BRD10: variants seen among roughly 807,000 people sequenced by gnomAD.
BRD10 encodes bromodomain containing 10.
the BRD10 span, among the ~76,000 whole-genome samples, chr9:5,930,695 T>A: frequency 2.4e-4 from 36 of 152,120 alleles, no homozygotes; most frequent in African/African-American, 8.7e-4. Flanking sequence ...TCAAGAAAAG[T>A]AATTTTTATT....
the BRD10 span, among the ~76,000 whole-genome samples, chr9:5,941,440 T>A: frequency 6.6e-6 from 1 of 152,188 alleles, no homozygotes; most frequent in Non-Finnish European, 1.5e-5. Flanking sequence ...TCAAACTACA[T>A]ATTTATCTCA....
chr9:5,914,286 C>T, the BRD10 span, among the ~76,000 whole-genome samples: 10 of 151,818 alleles, frequency 6.6e-5, no homozygotes, highest in Non-Finnish European at 1.2e-4. Context: ...GACACCTGAC[C>T]GTGTTTTCCT....
chr9:5,959,540 T>C, the BRD10 span, among the ~76,000 whole-genome samples: 1 of 152,152 alleles, frequency 6.6e-6, no homozygotes, highest in South Asian at 2.1e-4. Context: ...AGACAAAAAG[T>C]AGAAGGATTG....
chr9:5,937,917 T>C, the BRD10 span, among the ~76,000 whole-genome samples: 1 of 152,212 alleles, frequency 6.6e-6, no homozygotes, highest in Non-Finnish European at 1.5e-5. Context: ...ACCAGTCATA[T>C]ATATCTGGTT....
At chr9:5,931,844 G>T in the BRD10 span, among the ~76,000 whole-genome samples, 11 of 152,160 alleles carry the variant, frequency 7.2e-5, no homozygotes, top group Non-Finnish European at 7.4e-5. Flanking sequence ...AAGTTTTTAT[G>T]TTGCTCAAAA....
the BRD10 span, among the ~76,000 whole-genome samples, chr9:5,964,236 G>C: frequency 6.9e-6 from 1 of 144,556 alleles, no homozygotes; most frequent in African/African-American, 2.5e-5. Flanking sequence ...CCATCAAAAA[G>C]TGGGCGAAGG....
the BRD10 span, among the ~76,000 whole-genome samples, chr9:5,974,821 T>C: frequency 6.6e-6 from 1 of 152,196 alleles, no homozygotes; most frequent in South Asian, 2.1e-4. Flanking sequence ...ACTAGACTCA[T>C]AATTCACGGA....
At chr9:5,886,228 A>AGAGGCATCTCTG in the BRD10 span, among the ~76,000 whole-genome samples, 1 of 152,218 alleles carries the variant, frequency 6.6e-6, no homozygotes, top group Non-Finnish European at 1.5e-5. Flanking sequence ...CAGATGCCAA[A>AGAGGCATCTCTG]GAGGCATCTC....
the BRD10 span, among the ~76,000 whole-genome samples, chr9:5,883,462 C>CTTCTTTT: frequency 9.8e-6 from 1 of 102,410 alleles, no homozygotes; most frequent in Admixed American, 1.2e-4. Flanking sequence ...CCTTCTTCTT[C>CTTCTTTT]TTTTTTTTTT....
At chr9:5,994,425 A>G in the BRD10 span, among the ~76,000 whole-genome samples, 7 of 152,236 alleles carry the variant, frequency 4.6e-5, no homozygotes, top group African/African-American at 1.7e-4. Context: ...GAAAAGAAGT[A>G]GTCTTCATAC....
chr9:6,008,167 G>C, the BRD10 span: 1,840 of 974,520 alleles, frequency 1.9e-3, 5 homozygotes, highest in Admixed American at 7.0e-3. Flanking sequence ...CGGGCCAGCG[G>C]GGGGCTGGGA....
chr9:5,985,894 G>T, the BRD10 span, among the ~76,000 whole-genome samples: 3 of 152,102 alleles, frequency 2.0e-5, no homozygotes, highest in Non-Finnish European at 1.5e-5. Context: ...AGAAGTACAA[G>T]GAAACTAGAT....
chr9:5,882,401 T>C, the BRD10 span, among the ~76,000 whole-genome samples: 65,457 of 151,980 alleles, frequency 0.43, 15,240 homozygotes, highest in Middle Eastern at 0.58. Context: ...GCCAAACAAG[T>C]GTGAAAGTAG....
the BRD10 span, chr9:6,007,589 C>G: frequency 6.2e-7 from 1 of 1,608,180 alleles, no homozygotes; most frequent in Admixed American, 1.7e-5. Context: ...CAGCAACCGC[C>G]TCCGATCACC....
At chr9:5,891,930 T>C in the BRD10 span, among the ~76,000 whole-genome samples, 1 of 152,188 alleles carries the variant, frequency 6.6e-6, no homozygotes, top group Admixed American at 6.5e-5. Flanking sequence ...CTCAACCTCA[T>C]GCACCCTCGC....
chr9:5,954,866 G>A, the BRD10 span, among the ~76,000 whole-genome samples: 8 of 152,082 alleles, frequency 5.3e-5, no homozygotes, highest in Non-Finnish European at 7.4e-5. Context: ...CAAGGCAGGC[G>A]GATCACCAGA....
At chr9:6,007,424 C>G in the BRD10 span, 5 of 1,606,792 alleles carry the variant, frequency 3.1e-6, no homozygotes, top group East Asian at 2.2e-5. Context: ...CCCCGGCCCC[C>G]GCTGCGCGGC....
chr9:5,932,889 T>C, the BRD10 span, among the ~76,000 whole-genome samples: 1 of 152,206 alleles, frequency 6.6e-6, no homozygotes, highest in Non-Finnish European at 1.5e-5. Context: ...TTAAAATCTC[T>C]AAGACTTATT....
the BRD10 span, among the ~76,000 whole-genome samples, chr9:5,993,660 C>T: frequency 2.5e-4 from 38 of 152,274 alleles, no homozygotes; most frequent in African/African-American, 9.1e-4. Flanking sequence ...TTTCTGACAA[C>T]TTGCAACCCA....
Sources: gnomAD v4.1 joint callset for allele counts (sites outside exome capture counted in the v4.1 genomes callset) on GRCh38, gnomAD v4.1.1 for gene constraint, MANE v1.5 for transcripts, NCBI Gene and HGNC (gene_info 2026-07-23, HGNC 2026-07-21) for gene names.